TEX9: variants seen among roughly 807,000 people sequenced by gnomAD.
TEX9 encodes the protein testis-expressed protein 9.
In TEX9, 74 loss-of-function variants were observed where a neutral mutation model predicts 59.6. The observed-to-expected ratio is 1.24, with a 90% CI of 1.03 to 1.51. TEX9 has a LOEUF of 1.51. Among genes scored for constraint, TEX9 ranks in the 40% most tolerant of loss-of-function variants. The pLI, the probability that TEX9 is intolerant of heterozygous loss-of-function variation, is 0.00. For missense variants in TEX9, 522 were observed against 447.8 expected, an observed-to-expected ratio of 1.17 and a Z score of -1.49; for synonymous variants, 186 against 152.2, an observed-to-expected ratio of 1.22 and a Z score of -1.64.
intron 1 of TEX9, among the ~76,000 whole-genome samples, chr15:56,357,380 C>A (rs1291340813): frequency 6.6e-6 from 1 of 151,452 alleles, no homozygotes; most frequent in Non-Finnish European, 1.5e-5. Flanking sequence ...TCTCTTTTTT[C>A]TTTGGTGTTT....
chr15:56,319,574 T>G (rs1009421726), intron 1 of TEX9, among the ~76,000 whole-genome samples: 4 of 152,204 alleles, frequency 2.6e-5, no homozygotes, highest in Non-Finnish European at 5.9e-5. Flanking sequence ...CATGTTGATT[T>G]CAGTTTTAAT....
exon 1 of TEX9, chr15:56,244,014 G>C (rs1457522596): frequency 6.6e-6 from 1 of 150,848 alleles, no homozygotes; most frequent in Non-Finnish European, 1.5e-5. Flanking sequence ...CAGCGGGCCA[G>C]GGAAGCGCGC....
At chr15:56,258,981 A>G (rs1478814226) in intron 1 of TEX9, among the ~76,000 whole-genome samples, 1 of 151,390 alleles carries the variant, frequency 6.6e-6, no homozygotes, top group Non-Finnish European at 1.5e-5. Context: ...TATAGCAAAT[A>G]TCTTCTACTA....
intron 12 of TEX9, among the ~76,000 whole-genome samples, chr15:56,432,023 C>T (rs1379270564): frequency 5.3e-5 from 8 of 152,064 alleles, no homozygotes; most frequent in South Asian, 2.1e-4. Context: ...ACTTGAACTA[C>T]GTGAAAGAAC....
At chr15:56,285,800 T>TA (rs1412119622) in intron 1 of TEX9, among the ~76,000 whole-genome samples, 2 of 152,262 alleles carry the variant, frequency 1.3e-5, no homozygotes, top group Non-Finnish European at 1.5e-5. Context: ...TTAGGCAACA[T>TA]AAAAAATTAT....
chr15:56,376,763 C>T (rs546390035), intron 3 of TEX9, among the ~76,000 whole-genome samples: 1 of 151,932 alleles, frequency 6.6e-6, no homozygotes, highest in Non-Finnish European at 1.5e-5. Flanking sequence ...TTATGTGATC[C>T]CATTTGTCCA....
At chr15:56,282,457 G>A (rs940143463) in intron 1 of TEX9, among the ~76,000 whole-genome samples, 5 of 152,036 alleles carry the variant, frequency 3.3e-5, no homozygotes, top group South Asian at 2.1e-4. Flanking sequence ...GGTGTCCACC[G>A]TTACCATTAT....
intron 12 of TEX9, among the ~76,000 whole-genome samples, chr15:56,434,752 C>T (rs1481534116): frequency 2.0e-5 from 3 of 152,106 alleles, no homozygotes; most frequent in Non-Finnish European, 4.4e-5. Context: ...ATTCTAGAAT[C>T]TTGCTTACAA....
intron 9 of TEX9, among the ~76,000 whole-genome samples, chr15:56,399,007 A>G (rs2048630934): frequency 6.6e-6 from 1 of 152,138 alleles, no homozygotes; most frequent in South Asian, 2.1e-4. Flanking sequence ...ATGGCCAAAT[A>G]GGAACAGCTC....
exon 2 of TEX9, chr15:56,365,637 G>T (rs2046906425): frequency 6.2e-7 from 1 of 1,614,026 alleles, no homozygotes; most frequent in African/African-American, 1.3e-5. Flanking sequence ...TCTACACCTG[G>T]ACCCGACCTC....
At chr15:56,427,729 A>T in exon 11 of TEX9, 6 of 1,480,442 alleles carry the variant, frequency 4.1e-6, no homozygotes, top group Non-Finnish European at 5.4e-6. Flanking sequence ...GATGTTTTAA[A>T]AAGGCAAAAG....
intron 12 of TEX9, chr15:56,429,333 A>T (rs1240080971): frequency 1.7e-6 from 1 of 592,890 alleles, no homozygotes; most frequent in African/African-American, 2.0e-5. Context: ...AACTTTAAAA[A>T]AATCAATACT....
rs916707421 is a variant in TEX9 at position 56,426,912 on chromosome 15, G to A, written c.964-693G>A. 2.3e-4 allele frequency among the ~76,000 whole-genome samples: 35 copies of A among 151,820 alleles called. 1 individual carries two copies. Among genetic ancestry groups the A allele is most frequent in the African/African-American group, 6.5e-4 (27 of 41,436 alleles). On this transcript the variant is annotated intron_variant, in intron 10 of 12. Transcript: ENST00000352903. Reference sequence around the variant, plus strand: ...GGTCTCCCGCTTGTCATGGGAAGTGGGTAAATTCTCTGCTTAGCTAAAGGC... The same window carrying A: ...GGTCTCCCGCTTGTCATGGGAAGTGAGTAAATTCTCTGCTTAGCTAAAGGC...
intron 1 of TEX9, among the ~76,000 whole-genome samples, chr15:56,327,270 G>A (rs1356119553): frequency 6.6e-6 from 1 of 152,036 alleles, no homozygotes. Flanking sequence ...TTAATTTCCT[G>A]ATTGGACATT....
At chr15:56,266,316 G>A (rs1318096477) in intron 1 of TEX9, among the ~76,000 whole-genome samples, 1 of 151,366 alleles carries the variant, frequency 6.6e-6, no homozygotes, top group African/African-American at 2.4e-5. Context: ...AGTAGAGATG[G>A]GGTTTCTTTT....
chr15:56,403,146 A>T (rs2048885241), intron 9 of TEX9, among the ~76,000 whole-genome samples: 1 of 152,226 alleles, frequency 6.6e-6, no homozygotes, highest in Admixed American at 6.5e-5. Flanking sequence ...GCCATCAGGC[A>T]AGAGAAAGCA....
At chr15:56,286,349 A>G (rs1207586214) in intron 1 of TEX9, among the ~76,000 whole-genome samples, 3 of 152,196 alleles carry the variant, frequency 2.0e-5, no homozygotes, top group Non-Finnish European at 2.9e-5. Context: ...AGCTTCTTAG[A>G]CTGAGGATAG....
chr15:56,253,772 A>T (rs1567062959), intron 1 of TEX9, among the ~76,000 whole-genome samples: 1 of 152,088 alleles, frequency 6.6e-6, no homozygotes, highest in Non-Finnish European at 1.5e-5. Context: ...TATAAGGTGG[A>T]AAAAGTGGCT....
At chr15:56,316,616 C>G (rs1212767572) in intron 1 of TEX9, among the ~76,000 whole-genome samples, 1 of 152,132 alleles carries the variant, frequency 6.6e-6, no homozygotes, top group Admixed American at 6.5e-5. Context: ...TGTCTGCGCC[C>G]TGCCCCCAGA....
Sources: gnomAD v4.1 joint callset for allele counts (sites outside exome capture counted in the v4.1 genomes callset) on GRCh38, gnomAD v4.1.1 for gene constraint, MANE v1.5 for transcripts, NCBI Gene and HGNC (gene_info 2026-07-23, HGNC 2026-07-21) for gene names.